The following MYOZ2 variants were observed in gnomAD, a reference collection of about 807,000 sequenced individuals.
MYOZ2 encodes myozenin 2, also known as myozenin-2.
In MYOZ2, 19 loss-of-function variants were observed where a neutral mutation model predicts 25.4. The ratio of observed to expected loss-of-function variants is 0.75; its 90% CI spans 0.52 to 1.10. MYOZ2 has a LOEUF of 1.10. MYOZ2 is among the 50% of genes least tolerant of loss of function. The pLI, the probability that MYOZ2 is intolerant of heterozygous loss-of-function variation, is 0.00. For missense variants in MYOZ2, 270 were observed against 317.9 expected (o/e 0.85, Z 1.15); for synonymous variants, 92 against 106.9 (o/e 0.86, Z 0.86).
chr4:119,179,523 T>C (rs1264262532), intron 5 of MYOZ2, among the ~76,000 whole-genome samples: 1 of 152,224 alleles, frequency 6.6e-6, no homozygotes, highest in African/African-American at 2.4e-5. Context: ...CTTATAATAT[T>C]ATGAATTTAT....
intron 2 of MYOZ2, among the ~76,000 whole-genome samples, chr4:119,150,058 A>G (rs1292962928): frequency 6.6e-6 from 1 of 152,208 alleles, no homozygotes; most frequent in Non-Finnish European, 1.5e-5. Flanking sequence ...GAAATATATT[A>G]GTGATTAAAG....
chr4:119,141,565 A>G (rs1255889563), intron 2 of MYOZ2, among the ~76,000 whole-genome samples: 1 of 151,974 alleles, frequency 6.6e-6, no homozygotes, highest in African/African-American at 2.4e-5. Context: ...GTATTTTTTT[A>G]GTAGAGACAT....
At chr4:119,142,175 C>T (rs1276414283) in intron 2 of MYOZ2, among the ~76,000 whole-genome samples, 1 of 152,130 alleles carries the variant, frequency 6.6e-6, no homozygotes, top group Non-Finnish European at 1.5e-5. Flanking sequence ...TAAATGCTTC[C>T]ACCATGGCCA....
chr4:119,171,619 G>T (rs1446372571), intron 5 of MYOZ2, among the ~76,000 whole-genome samples: 1 of 150,922 alleles, frequency 6.6e-6, no homozygotes, highest in African/African-American at 2.4e-5. Flanking sequence ...AGGTTAACAT[G>T]ATTTTATTTT....
At chr4:119,159,792 A>G (rs1352239396) in intron 4 of MYOZ2, among the ~76,000 whole-genome samples, 1 of 152,186 alleles carries the variant, frequency 6.6e-6, no homozygotes, top group Admixed American at 6.5e-5. Flanking sequence ...TTTAAAAATA[A>G]GGTATTAGAG....
chr4:119,162,677 A>C (rs566491612), intron 4 of MYOZ2, among the ~76,000 whole-genome samples: 3 of 152,322 alleles, frequency 2.0e-5, no homozygotes, highest in Admixed American at 6.5e-5. Flanking sequence ...TATTATCTAC[A>C]TTTTAAATAC....
At chr4:119,175,291 A>G (rs955648433) in intron 5 of MYOZ2, among the ~76,000 whole-genome samples, 17 of 152,206 alleles carry the variant, frequency 1.1e-4, no homozygotes, top group Non-Finnish European at 2.4e-4. Flanking sequence ...TTGCCAACCC[A>G]AATACTGTAT....
At chr4:119,167,012 T>C (rs1342349997) in intron 5 of MYOZ2, among the ~76,000 whole-genome samples, 1 of 152,150 alleles carries the variant, frequency 6.6e-6, no homozygotes, top group Non-Finnish European at 1.5e-5. Context: ...AATAACCCTA[T>C]AGTAGCCTCT....
intron 2 of MYOZ2, among the ~76,000 whole-genome samples, chr4:119,141,813 G>C (rs966682005): frequency 6.6e-6 from 1 of 152,168 alleles, no homozygotes; most frequent in African/African-American, 2.4e-5. Context: ...CCTGTGCAAG[G>C]GTTTGCAGCG....
chr4:119,169,724 A>C (rs1741908239), intron 5 of MYOZ2, among the ~76,000 whole-genome samples: 2 of 152,200 alleles, frequency 1.3e-5, no homozygotes, highest in Admixed American at 1.3e-4. Context: ...TCTTCCAGGG[A>C]GGAGGGGTCT....
chr4:119,173,142 G>C (rs1055575885), intron 5 of MYOZ2, among the ~76,000 whole-genome samples: 2 of 152,084 alleles, frequency 1.3e-5, no homozygotes, highest in Non-Finnish European at 2.9e-5. Context: ...TATATATCCA[G>C]TACTATTAGT....
intron 4 of MYOZ2, among the ~76,000 whole-genome samples, chr4:119,159,024 T>C (rs573035198): frequency 6.6e-6 from 1 of 152,198 alleles, no homozygotes; most frequent in Non-Finnish European, 1.5e-5. Flanking sequence ...TATCCTGATG[T>C]GGTTATTGCA....
At chr4:119,175,815 A>G (rs1157020818) in intron 5 of MYOZ2, among the ~76,000 whole-genome samples, 1 of 151,754 alleles carries the variant, frequency 6.6e-6, no homozygotes, top group Non-Finnish European at 1.5e-5. Flanking sequence ...GGGGCCCCAC[A>G]TTTATTTATT....
intron 5 of MYOZ2, among the ~76,000 whole-genome samples, chr4:119,175,858 G>A (rs947409978): frequency 6.6e-6 from 1 of 152,052 alleles, no homozygotes; most frequent in African/African-American, 2.4e-5. Context: ...ATCCTCTGCT[G>A]TTTCTTTCTT....
At chr4:119,167,722 A>G (rs1397255173) in intron 5 of MYOZ2, among the ~76,000 whole-genome samples, 3 of 152,238 alleles carry the variant, frequency 2.0e-5, no homozygotes, top group African/African-American at 7.2e-5. Flanking sequence ...GTTGAAGCCA[A>G]TGCTCATTTA....
At chr4:119,151,160 C>T (rs1393313586) in intron 3 of MYOZ2, 119 bp downstream of exon 3, 2 of 1,074,568 alleles carry the variant, frequency 1.9e-6, no homozygotes, top group Non-Finnish European at 1.3e-6. Flanking sequence ...TTCTGTTAGG[C>T]TATTTTTTTT....
At chr4:119,162,354 A>G (rs1030810948) in intron 4 of MYOZ2, among the ~76,000 whole-genome samples, 1 of 152,126 alleles carries the variant, frequency 6.6e-6, no homozygotes, top group African/African-American at 2.4e-5. Flanking sequence ...CCTGGGAGGC[A>G]TTAGGGTCCC....
chr4:119,152,560 C>A (rs868311281), intron 3 of MYOZ2, among the ~76,000 whole-genome samples: 12 of 152,178 alleles, frequency 7.9e-5, no homozygotes, highest in Middle Eastern at 3.4e-3. Flanking sequence ...TATTCTCTTA[C>A]CACCAGTATT....
At chr4:119,184,055 T>G in intron 5 of MYOZ2, among the ~76,000 whole-genome samples, 1 of 152,106 alleles carries the variant, frequency 6.6e-6, no homozygotes, top group South Asian at 2.1e-4. Context: ...CCTCAGGTGA[T>G]CCATCCACCT....
Sources: gnomAD v4.1 joint callset for allele counts (sites outside exome capture counted in the v4.1 genomes callset) on GRCh38, gnomAD v4.1.1 for gene constraint, MANE v1.5 for transcripts, NCBI Gene and HGNC (gene_info 2026-07-23, HGNC 2026-07-21) for gene names.